Variants in GRID2 observed in about 807,000 individuals in gnomAD.
GRID2 encodes glutamate receptor ionotropic, delta-2.
Under a neutral mutation model 114.8 loss-of-function variants are expected in GRID2, and 33 were observed. The ratio of observed to expected loss-of-function variants is 0.29; its 90% confidence interval spans 0.22 to 0.38. GRID2 has a LOEUF of 0.38. GRID2 is among the 10% of genes least tolerant of loss of function. The pLI is 1.00. For missense variants in GRID2, 1,184 were observed against 1,257.7 expected (o/e 0.94, Z 0.89); for synonymous variants, 505 against 449.9 (o/e 1.12, Z -1.55).
intron 1 of GRID2, among the ~76,000 whole-genome samples, chr4:92,405,037 G>A (rs79703682): frequency 0.012 from 1,857 of 152,198 alleles, 35 homozygotes; most frequent in African/African-American, 0.042. Context: ...CTTAACATTA[G>A]ATTAAATTAA....
intron 1 of GRID2, among the ~76,000 whole-genome samples, chr4:92,421,749 A>G (rs986836568): frequency 6.6e-6 from 1 of 152,086 alleles, no homozygotes; most frequent in African/African-American, 2.4e-5. Flanking sequence ...TCACTTTCCT[A>G]TCCCAAATCT....
chr4:93,591,437 G>A (rs532098243), intron 13 of GRID2, among the ~76,000 whole-genome samples: 2 of 152,110 alleles, frequency 1.3e-5, no homozygotes, highest in African/African-American at 4.8e-5. Context: ...GCTTTTTGAT[G>A]TGCTGCTGGA....
At chr4:92,568,416 G>A (rs560534563) in intron 1 of GRID2, among the ~76,000 whole-genome samples, 3 of 151,894 alleles carry the variant, frequency 2.0e-5, no homozygotes, top group African/African-American at 7.2e-5. Flanking sequence ...TCTCCCCATG[G>A]TTTCTCTCAA....
intron 14 of GRID2, among the ~76,000 whole-genome samples, chr4:93,652,946 A>C (rs1165421967): frequency 6.6e-6 from 1 of 152,140 alleles, no homozygotes; most frequent in East Asian, 1.9e-4. Flanking sequence ...GAAGGGCCTG[A>C]GATGCCTGGC....
chr4:93,435,705 TA>T (rs1237540062), intron 10 of GRID2, among the ~76,000 whole-genome samples: 112 of 152,346 alleles, frequency 7.4e-4, no homozygotes, highest in African/African-American at 2.6e-3. Flanking sequence ...TTAGAGAATT[TA>T]AATACCTTGC....
chr4:92,688,724 G>A (rs928153243), intron 2 of GRID2, among the ~76,000 whole-genome samples: 16 of 152,074 alleles, frequency 1.1e-4, no homozygotes, highest in Middle Eastern at 3.2e-3. Context: ...CATCCATGTG[G>A]ATTGGAATAA....
At chr4:93,165,641 A>G (rs1424552051) in intron 4 of GRID2, among the ~76,000 whole-genome samples, 1 of 152,144 alleles carries the variant, frequency 6.6e-6, no homozygotes, top group Admixed American at 6.6e-5. Context: ...ATGATGTTTT[A>G]GTTTTGCGCT....
intron 8 of GRID2, among the ~76,000 whole-genome samples, chr4:93,306,523 C>A (rs1755440787): frequency 6.6e-6 from 1 of 152,098 alleles, no homozygotes; most frequent in African/African-American, 2.4e-5. Flanking sequence ...TTAAACAAAG[C>A]CTTTCTGGAG....
chr4:93,198,869 C>A (rs938813530), intron 4 of GRID2, among the ~76,000 whole-genome samples: 3 of 151,980 alleles, frequency 2.0e-5, no homozygotes, highest in African/African-American at 7.2e-5. Flanking sequence ...AGCAAGAAAG[C>A]CTTAGTTCAT....
intron 2 of GRID2, among the ~76,000 whole-genome samples, chr4:92,961,405 A>T: frequency 6.6e-6 from 1 of 150,754 alleles, no homozygotes; most frequent in South Asian, 2.1e-4. Flanking sequence ...GGTCTAAGAA[A>T]ATTCTTATTT....
intron 8 of GRID2, among the ~76,000 whole-genome samples, chr4:93,302,012 T>C (rs1754923675): frequency 6.6e-6 from 1 of 152,172 alleles, no homozygotes; most frequent in South Asian, 2.1e-4. Flanking sequence ...ATAATTACAC[T>C]GTAGTGTATA....
chr4:92,842,499 C>G (rs1742983287), intron 2 of GRID2, among the ~76,000 whole-genome samples: 2 of 152,002 alleles, frequency 1.3e-5, no homozygotes, highest in Admixed American at 1.3e-4. Flanking sequence ...TTGTGTTATT[C>G]TATTATTTAG....
chr4:92,946,181 G>A (rs192326022), intron 2 of GRID2, among the ~76,000 whole-genome samples: 29 of 152,110 alleles, frequency 1.9e-4, no homozygotes, highest in Middle Eastern at 3.4e-3. Context: ...TTGGATATGC[G>A]AATGGATTCC....
Position 92,516,911 on chromosome 4 carries a change from T to C in GRID2, c.89-73220T>C, listed in dbSNP as rs570689921. Among the ~76,000 whole-genome samples the C allele has an allele frequency of 2.0e-4, 30 of 152,068 alleles. No homozygotes were observed. In the South Asian group the frequency reaches 4.6e-3, roughly 23 times the overall value. ...CTAATTACTTTCTTTCTATGGATTT[T>C]ATTATTTATAAAAATATAATCATAG... On this transcript the variant is annotated intron_variant, in intron 1 of 15. Coordinates refer to ENST00000282020, the MANE Select transcript of GRID2 (RefSeq NM_001510.4).
intron 8 of GRID2, among the ~76,000 whole-genome samples, chr4:93,373,195 A>G (rs761584292): frequency 1.3e-5 from 2 of 152,054 alleles, no homozygotes; most frequent in Non-Finnish European, 2.9e-5. Flanking sequence ...ACTTGCTAAT[A>G]TTTATCACTC....
chr4:92,796,421 A>G (rs1007522641), intron 2 of GRID2, among the ~76,000 whole-genome samples: 1 of 151,850 alleles, frequency 6.6e-6, no homozygotes, highest in Non-Finnish European at 1.5e-5. Flanking sequence ...TTCTTGTACA[A>G]CCGAAAGACT....
intron 2 of GRID2, among the ~76,000 whole-genome samples, chr4:92,864,751 A>G (rs1464033481): frequency 6.6e-6 from 1 of 152,220 alleles, no homozygotes; most frequent in Non-Finnish European, 1.5e-5. Flanking sequence ...CAAGTTCACC[A>G]GTGACAGGGA....
At chr4:92,709,176 A>G (rs916474350) in intron 2 of GRID2, among the ~76,000 whole-genome samples, 92 of 152,196 alleles carry the variant, frequency 6.0e-4, no homozygotes, top group African/African-American at 2.1e-3. Flanking sequence ...TCTCTCACAT[A>G]CAGATTAAGC....
Position 93,256,717 on chromosome 4 carries a change from G to A in GRID2, c.1245+18227G>A, listed in dbSNP as rs1233498108. On this transcript the variant is annotated intron_variant, in intron 8 of 15. Coordinates refer to ENST00000282020, the MANE Select transcript of GRID2 (RefSeq NM_001510.4). ...GACATCATCCACTTGAGAAAAGAAA[G>A]ATAAATAAATGTAAAAGGCAATATA... 3.3e-5 allele frequency among the ~76,000 whole-genome samples: 5 copies of A among 151,808 alleles called. No individual in the cohort carries two copies. The East Asian group carries it at 9.6e-4, about 29-fold the overall frequency.
Sources: allele counts gnomAD v4.1 joint callset (sites outside exome capture counted in the v4.1 genomes callset), GRCh38; gene constraint gnomAD v4.1.1; transcripts MANE v1.5; gene names NCBI Gene and HGNC (gene_info 2026-07-23, HGNC 2026-07-21).